The following NSUN3 variants were observed in gnomAD, a reference collection of about 807,000 sequenced individuals.
NSUN3 encodes the protein tRNA (cytosine(34)-C(5))-methyltransferase, mitochondrial.
In NSUN3, 24 loss-of-function variants were observed where a neutral mutation model predicts 36.8. That is an observed-to-expected ratio of 0.65 (90% confidence interval 0.47 to 0.92). NSUN3 has a LOEUF of 0.92. Among genes scored for constraint, NSUN3 ranks in the 40% least tolerant of loss-of-function variants. The pLI is 0.00. For missense variants in NSUN3, 381 were observed against 392.8 expected (o/e 0.97, Z 0.25); for synonymous variants, 146 against 145.2 (o/e 1.01, Z -0.04).
At chr3:94,101,320 T>C (rs1315578025) in intron 5 of NSUN3, among the ~76,000 whole-genome samples, 1 of 152,110 alleles carries the variant, frequency 6.6e-6, no homozygotes, top group Non-Finnish European at 1.5e-5. Context: ...TTTAAACTGT[T>C]AGTAGATATG....
rs1214606757 is a variant in NSUN3, at chr3:94,129,817, G to A, written c.*3327G>A. 7.8e-6 allele frequency among the ~76,000 whole-genome samples: 1 copy of A among 128,984 alleles called. No homozygotes were observed. The highest frequency in any genetic ancestry group is 9.1e-5 in the Admixed American group (1 of 10,948). The allele number at this position is 128,984 out of a possible 152,430, so 84.6% of individuals were successfully genotyped here. ...CAGGCTGGATGGCGTGCAGTGGCAT[G>A]ATCTCAGCTCACTGCAACCTCTGCC... On this transcript the variant is annotated 3_prime_UTR_variant, in exon 6 of 6. Coordinates refer to ENST00000314622, the MANE Select transcript of NSUN3 (RefSeq NM_022072.5).
intron 2 of NSUN3, chr3:94,076,398 T>G (rs985112121): frequency 1.2e-6 from 1 of 803,310 alleles, no homozygotes; most frequent in African/African-American, 1.7e-5. Context: ...TTGGAAGTAT[T>G]GTTTGAACAA....
chr3:94,084,027 A>G (rs573764861), intron 2 of NSUN3, 80 bp from the exon 3 acceptor site: 3 of 1,029,186 alleles, frequency 2.9e-6, no homozygotes, highest in African/African-American at 3.2e-5. Flanking sequence ...CTAGGACCAC[A>G]TTCACCTGAT....
chr3:94,084,503 A>G (rs1370751402), intron 3 of NSUN3, 53 bp downstream of exon 3: 3 of 1,355,406 alleles, frequency 2.2e-6, no homozygotes, highest in Non-Finnish European at 3.0e-6. Flanking sequence ...TGTATGTTAT[A>G]GAGAATTCTG....
intron 3 of NSUN3, among the ~76,000 whole-genome samples, chr3:94,093,663 G>C (rs908775032): frequency 2.8e-4 from 43 of 152,278 alleles, no homozygotes; most frequent in African/African-American, 1.0e-3. Flanking sequence ...AGGAATAATG[G>C]TTCCTGTGGG....
rs1489277537 is a variant in NSUN3 at position 94,094,307 on chromosome 3, C to G, written c.621+13C>G. 3 of 1,606,596 alleles carry G rather than the reference C, an allele frequency of 1.9e-6. No individual in the cohort carries two copies. Among genetic ancestry groups the G allele is most frequent in the Non-Finnish European group, 2.5e-6 (3 of 1,177,040 alleles). Reference sequence around the variant, plus strand: ...AATGTTTGACAAGGTACTTTTATTACATTGTGACAAACTGATGGACGCCCA... The same window carrying G: ...AATGTTTGACAAGGTACTTTTATTAGATTGTGACAAACTGATGGACGCCCA... On this transcript the variant is annotated intron_variant, in intron 4 of 5. Coordinates refer to ENST00000314622, the MANE Select transcript of NSUN3 (RefSeq NM_022072.5).
chr3:94,092,919 C>CAAAAAAAA lies in NSUN3; in HGVS notation c.467-1202_467-1195dup, dbSNP rs1161530879. Among the ~76,000 whole-genome samples the CAAAAAAAA allele has an allele frequency of 5.4e-3, 132 of 24,596 alleles. 2 individuals are homozygous for CAAAAAAAA. The highest frequency in any genetic ancestry group is 6.1e-3 in the Non-Finnish European group (90 of 14,768). 16.1% of individuals were successfully genotyped at this position (24,596 alleles called of 152,430 possible). ...TGGGCAACAGAGCGAGACTGCATCT[C>CAAAAAAAA]AAAAAAAAAAAAAAAAAAAAAAAAA... is the stretch of plus-strand genomic sequence containing the variant. On this transcript the variant is annotated intron_variant, in intron 3 of 5. Coordinates refer to ENST00000314622, the MANE Select transcript of NSUN3 (RefSeq NM_022072.5).
At chr3:94,075,602 G>A (rs948962251) in intron 2 of NSUN3, among the ~76,000 whole-genome samples, 5 of 152,002 alleles carry the variant, frequency 3.3e-5, no homozygotes, top group Non-Finnish European at 5.9e-5. Context: ...AAAACTTGGC[G>A]ATATAGCATA....
intron 3 of NSUN3, among the ~76,000 whole-genome samples, chr3:94,090,132 C>A (rs2077308268): frequency 6.6e-6 from 1 of 151,566 alleles, no homozygotes. Flanking sequence ...TTCTTTGGAC[C>A]AAAGATTGCC....
chr3:94,089,120 T>G (rs2077304721), intron 3 of NSUN3, among the ~76,000 whole-genome samples: 1 of 152,236 alleles, frequency 6.6e-6, no homozygotes, highest in South Asian at 2.1e-4. Context: ...ATTGCCATTT[T>G]GTTCTTTTGT....
chr3:94,094,317 A>G (rs2107255248), intron 4 of NSUN3, 23 bp downstream of exon 4: 1 of 1,603,424 alleles, frequency 6.2e-7, no homozygotes, highest in East Asian at 2.2e-5. Context: ...CATTGTGACA[A>G]ACTGATGGAC....
chr3:94,075,315 C>T (rs151157514), intron 2 of NSUN3, among the ~76,000 whole-genome samples: 7 of 152,030 alleles, frequency 4.6e-5, no homozygotes, highest in African/African-American at 1.7e-4. Flanking sequence ...ATGAAAACAG[C>T]TCAAGAAATA....
At position 94,063,107 on chromosome 3, in the gene NSUN3, T is replaced by G; in HGVS notation, c.-20T>G. 2 of 1,614,066 alleles carry G rather than the reference T, an allele frequency of 1.2e-6. No individual in the cohort carries two copies. The highest frequency in any genetic ancestry group is 1.7e-6 in the Non-Finnish European group (2 of 1,179,988). ...TACTGATTCGCGTACACCTGTTGTT[T>G]GAAAGCTCTCAGCGGGACAATGCTG... On this transcript the variant is annotated 5_prime_UTR_variant, in exon 1 of 6. Coordinates refer to ENST00000314622, the MANE Select transcript of NSUN3 (RefSeq NM_022072.5).
At chr3:94,094,989 G>A (rs1444579289) in intron 4 of NSUN3, 44 bp from the exon 5 acceptor site, 1 of 1,603,406 alleles carries the variant, frequency 6.2e-7, no homozygotes, top group Non-Finnish European at 8.5e-7. Context: ...CCTGAGAATA[G>A]ATTGTCAGTG....
At chr3:94,093,728 T>C (rs979714518) in intron 3 of NSUN3, among the ~76,000 whole-genome samples, 1 of 152,248 alleles carries the variant, frequency 6.6e-6, no homozygotes, top group Non-Finnish European at 1.5e-5. Flanking sequence ...GTGAGTTTCA[T>C]CTTCTTGCAC....
rs577651852 is a variant in NSUN3, at chr3:94,105,864, G to C, written c.743+10710G>C. ...GGACAAAATCAGGTCAATTCTGGTG[G>C]TTTTCTTGAAGGCTTTTCTTTTTTT... On this transcript the variant is annotated intron_variant, in intron 5 of 5. Transcript: ENST00000314622. Among the ~76,000 whole-genome samples, 9 of 146,264 alleles carry C rather than the reference G, an allele frequency of 6.2e-5. No homozygotes were observed. The East Asian group carries it at 1.8e-3, about 29-fold the overall frequency.
intron 2 of NSUN3, among the ~76,000 whole-genome samples, chr3:94,071,316 G>A (rs1333332709): frequency 6.6e-6 from 1 of 152,160 alleles, no homozygotes; most frequent in Non-Finnish European, 1.5e-5. Context: ...GGGGGCTAGA[G>A]AAGCATGATA....
Position 94,128,554 on chromosome 3 carries a change from CGTGTGTGTGT to C in NSUN3, c.*2085_*2094del, listed in dbSNP as rs10576077. 7 of 138,340 alleles carry C rather than the reference CGTGTGTGTGT, an allele frequency of 5.1e-5. No individual in the cohort carries two copies. Among genetic ancestry groups the C allele is most frequent in the South Asian group, 4.7e-4 (2 of 4,232 alleles). 8.6% of individuals were successfully genotyped at this position (138,340 alleles called of 1,614,324 possible). On this transcript the variant is annotated 3_prime_UTR_variant, in exon 6 of 6. Coordinates refer to ENST00000314622, the MANE Select transcript of NSUN3 (RefSeq NM_022072.5). ...CTATGATTACTGAAAAATGGATGCACGTGTGTGTGTGTGTGTGTGTGTGTGTGTGTATATA... is the reference window on the plus strand; with the variant it reads ...CTATGATTACTGAAAAATGGATGCACGTGTGTGTGTGTGTGTGTGTATATA...
intron 5 of NSUN3, among the ~76,000 whole-genome samples, chr3:94,103,460 C>A (rs1301586282): frequency 1.3e-5 from 2 of 151,100 alleles, no homozygotes; most frequent in Non-Finnish European, 2.9e-5. Flanking sequence ...TAATAATATA[C>A]AATAGAGTAT....
Sources: gnomAD v4.1 joint callset for allele counts (sites outside exome capture counted in the v4.1 genomes callset) on GRCh38, gnomAD v4.1.1 for gene constraint, MANE v1.5 for transcripts, NCBI Gene and HGNC (gene_info 2026-07-23, HGNC 2026-07-21) for gene names.